Variants in NCOA2 observed in about 807,000 individuals in gnomAD.
NCOA2 encodes class E basic helix-loop-helix protein 75.
A neutral mutation model predicts 145.1 loss-of-function variants in NCOA2; 21 were observed. The ratio of observed to expected loss-of-function variants is 0.14; its 90% CI spans 0.10 to 0.21. NCOA2 has a LOEUF of 0.21. NCOA2 is among the 10% of genes least tolerant of loss of function. The pLI is 1.00. For missense variants in NCOA2, 1,472 were observed against 1,837.6 expected (o/e 0.80, Z 3.64); for synonymous variants, 619 against 637.5 (o/e 0.97, Z 0.44).
chr8:70,167,651 C>G (rs1160573946), intron 6 of NCOA2, among the ~76,000 whole-genome samples: 1 of 151,976 alleles, frequency 6.6e-6, no homozygotes, highest in Non-Finnish European at 1.5e-5. Context: ...CTGAAAAATC[C>G]TTGAAAATAC....
At chr8:70,207,746 C>T (rs984667679) in intron 4 of NCOA2, among the ~76,000 whole-genome samples, 5 of 151,286 alleles carry the variant, frequency 3.3e-5, no homozygotes, top group Non-Finnish European at 7.4e-5. Flanking sequence ...CACTGTAATC[C>T]CAGCTACTCG....
chr8:70,261,950 G>T (rs1233037515), intron 2 of NCOA2, among the ~76,000 whole-genome samples: 3 of 152,230 alleles, frequency 2.0e-5, no homozygotes, highest in African/African-American at 7.2e-5. Flanking sequence ...CAGCGAATAT[G>T]ATGGCCAACC....
intron 2 of NCOA2, among the ~76,000 whole-genome samples, chr8:70,231,217 T>C (rs1347202142): frequency 2.0e-5 from 3 of 152,134 alleles, no homozygotes; most frequent in African/African-American, 4.8e-5. Flanking sequence ...TCACAACGAG[T>C]ATTAAGATGT....
At chr8:70,447,320 C>G in the NCOA2 span, among the ~76,000 whole-genome samples, 1 of 152,258 alleles carries the variant, frequency 6.6e-6, no homozygotes, top group South Asian at 2.1e-4. Context: ...CGAAAAAGCA[C>G]ATAGGAGACA....
chr8:70,330,995 C>G (rs1807046047), intron 1 of NCOA2, among the ~76,000 whole-genome samples: 1 of 151,820 alleles, frequency 6.6e-6, no homozygotes, highest in South Asian at 2.1e-4. Context: ...CATTTTAAAG[C>G]CTCCCGTACT....
chr8:70,118,022 T>C (rs948522349), intron 22 of NCOA2, among the ~76,000 whole-genome samples: 1 of 151,860 alleles, frequency 6.6e-6, no homozygotes, highest in Non-Finnish European at 1.5e-5. Context: ...GAGACAGGGG[T>C]GGCAGACGGG....
At chr8:70,324,472 G>C (rs1806377777) in intron 1 of NCOA2, among the ~76,000 whole-genome samples, 2 of 151,986 alleles carry the variant, frequency 1.3e-5, no homozygotes, top group South Asian at 4.2e-4. Flanking sequence ...CAGGTTGCTG[G>C]GACTGTAGGC....
chr8:70,212,201 TTACTG>T (rs1819118015), intron 4 of NCOA2, among the ~76,000 whole-genome samples: 1 of 152,028 alleles, frequency 6.6e-6, no homozygotes, highest in African/African-American at 2.4e-5. Flanking sequence ...AATGATTTCT[TTACTG>T]TAATGACATC....
chr8:70,308,526 A>G (rs943345283), intron 1 of NCOA2, among the ~76,000 whole-genome samples: 1 of 152,062 alleles, frequency 6.6e-6, no homozygotes, highest in African/African-American at 2.4e-5. Context: ...ATGTATATAC[A>G]AACACATACA....
intron 18 of NCOA2, 75 bp downstream of exon 18, chr8:70,128,358 T>A (rs1808685338): frequency 1.5e-6 from 2 of 1,313,310 alleles, no homozygotes; most frequent in Admixed American, 4.0e-5. Flanking sequence ...TAAGTTAACT[T>A]TCTTCAGAGA....
intron 2 of NCOA2, among the ~76,000 whole-genome samples, chr8:70,271,777 T>C (rs1245369462): frequency 1.3e-5 from 2 of 152,204 alleles, no homozygotes; most frequent in Non-Finnish European, 2.9e-5. Context: ...ATCATTTGCT[T>C]CTGACAGCTT....
intron 1 of NCOA2, among the ~76,000 whole-genome samples, chr8:70,351,974 AT>A (rs200907346): frequency 2.1e-4 from 31 of 145,968 alleles, no homozygotes; most frequent in African/African-American, 5.7e-4. Flanking sequence ...TAACTGGGCA[AT>A]TTTTTTTTTA....
At chr8:70,407,305 T>G (rs1814798830), upstream of NCOA2, among the ~76,000 whole-genome samples, 1 of 152,230 alleles carries the variant, frequency 6.6e-6, no homozygotes, top group Admixed American at 6.5e-5. Context: ...CTAATATAAG[T>G]CAAGCATATT....
At chr8:70,404,797 C>T (rs965735780), upstream of NCOA2, among the ~76,000 whole-genome samples, 5 of 152,064 alleles carry the variant, frequency 3.3e-5, no homozygotes, top group African/African-American at 1.2e-4. Context: ...TGCGAGAACC[C>T]CCATTTAAGT....
At chr8:70,183,869 C>A (rs1815756095) in intron 4 of NCOA2, among the ~76,000 whole-genome samples, 1 of 152,130 alleles carries the variant, frequency 6.6e-6, no homozygotes. Flanking sequence ...TGCTGCCTGG[C>A]ACATAGTGGG....
intron 4 of NCOA2, among the ~76,000 whole-genome samples, chr8:70,209,124 T>G (rs1353435608): frequency 6.6e-6 from 1 of 152,180 alleles, no homozygotes; most frequent in East Asian, 1.9e-4. Flanking sequence ...AGAAGCTGAT[T>G]CTAACCCTCA....
At position 70,334,926 on chromosome 8, in the gene NCOA2, C is replaced by G. The variant is rs559800354; in HGVS notation, c.-76-38126G>C. On this transcript the variant is annotated intron_variant, in intron 1 of 22. Coordinates refer to ENST00000452400, the MANE Select transcript of NCOA2 (RefSeq NM_006540.4). The stretch of plus-strand genomic sequence containing the variant: ...ATCACCTGAGGTCAGGAGTTTGAGA[C>G]CAGCCTGACCGACACGGTGAAACCC... Among the ~76,000 whole-genome samples, 8 of 151,886 alleles carry G rather than the reference C, an allele frequency of 5.3e-5. No individual in the cohort carries two copies. The East Asian group carries it at 1.4e-3, about 26-fold the overall frequency.
chr8:70,374,059 TG>T (rs578084795), intron 1 of NCOA2, among the ~76,000 whole-genome samples: 1 of 152,100 alleles, frequency 6.6e-6, no homozygotes. Context: ...CACTGCTGAA[TG>T]GGGGAAAAAA....
At chr8:70,365,197 G>C (rs1473024395) in intron 1 of NCOA2, among the ~76,000 whole-genome samples, 1 of 152,064 alleles carries the variant, frequency 6.6e-6, no homozygotes, top group Non-Finnish European at 1.5e-5. Context: ...AGTTGGGCAT[G>C]GTAGCACACC....
Sources: gnomAD v4.1 joint callset for allele counts (sites outside exome capture counted in the v4.1 genomes callset) on GRCh38, gnomAD v4.1.1 for gene constraint, MANE v1.5 for transcripts, NCBI Gene and HGNC (gene_info 2026-07-23, HGNC 2026-07-21) for gene names.